The following C2CD5 variants were observed in gnomAD, a reference collection of about 807,000 sequenced individuals.
The protein encoded by C2CD5 is C2 calcium dependent domain containing 5, also known as C2 domain-containing protein 5.
C2CD5 carries 109 observed loss-of-function variants against 130.3 expected under a neutral mutation model. The observed-to-expected ratio is 0.84, with a 90% CI of 0.72 to 0.98. C2CD5 has a LOEUF of 0.98. C2CD5 is among the 50% of genes least tolerant of loss of function. The pLI is 0.00. For synonymous variants in C2CD5, 454 were observed against 429.2 expected (o/e 1.06, Z -0.71); for missense variants, 996 against 1,261.8 (o/e 0.79, Z 3.19).
intron 10 of C2CD5, 81 bp from the exon 11 acceptor site, chr12:22,493,418 T>C: frequency 2.9e-6 from 2 of 687,482 alleles, no homozygotes; most frequent in Non-Finnish European, 4.8e-6. Context: ...ATAAACATAC[T>C]ATGGGAAGTA....
intron 9 of C2CD5, among the ~76,000 whole-genome samples, chr12:22,507,386 T>A (rs540963642): frequency 2.1e-4 from 32 of 152,208 alleles, no homozygotes; most frequent in Admixed American, 6.5e-4. Context: ...GAGGTTACTC[T>A]ATCAACACCA....
chr12:22,494,248 T>C (rs910030093), intron 10 of C2CD5, among the ~76,000 whole-genome samples: 2 of 152,014 alleles, frequency 1.3e-5, no homozygotes, highest in African/African-American at 4.8e-5. Flanking sequence ...CCAATTCTCA[T>C]TTGGGAATAA....
At chr12:22,458,415 G>T in intron 24 of C2CD5, 69 bp downstream of exon 24, 2 of 680,064 alleles carry the variant, frequency 2.9e-6, no homozygotes, top group Non-Finnish European at 4.2e-6. Flanking sequence ...GTAAGGTCTA[G>T]CTTTCACCAC....
chr12:22,526,879 C>T (rs777551342), intron 4 of C2CD5, among the ~76,000 whole-genome samples: 3 of 152,156 alleles, frequency 2.0e-5, no homozygotes, highest in Non-Finnish European at 4.4e-5. Context: ...AATTTACCTA[C>T]TAAAATATTA....
intron 7 of C2CD5, chr12:22,519,046 G>C: frequency 7.1e-7 from 1 of 1,401,252 alleles, no homozygotes; most frequent in Non-Finnish European, 9.6e-7. Flanking sequence ...CTACCTGCCT[G>C]CCTGCCTCTG....
At chr12:22,452,556 T>C (rs892845583) in intron 26 of C2CD5, among the ~76,000 whole-genome samples, 1 of 152,166 alleles carries the variant, frequency 6.6e-6, no homozygotes, top group East Asian at 1.9e-4. Flanking sequence ...GGATGTTTCA[T>C]AGCTTCCCTT....
intron 2 of C2CD5, among the ~76,000 whole-genome samples, chr12:22,539,216 T>C (rs964930204): frequency 6.6e-6 from 1 of 152,138 alleles, no homozygotes; most frequent in Admixed American, 6.5e-5. Context: ...ACAACCCCCA[T>C]GTTGTCCAAT....
chr12:22,498,526 C>T (rs1467065204), intron 10 of C2CD5, among the ~76,000 whole-genome samples: 1 of 152,120 alleles, frequency 6.6e-6, no homozygotes, highest in East Asian at 1.9e-4. Flanking sequence ...TTTTATAGGA[C>T]ATAACTACTC....
intron 7 of C2CD5, among the ~76,000 whole-genome samples, chr12:22,519,975 T>G (rs942180059): frequency 1.3e-5 from 2 of 152,110 alleles, no homozygotes; most frequent in South Asian, 2.1e-4. Context: ...AATCAAAATT[T>G]TATAAGATAT....
At position 22,449,615 on chromosome 12, in the gene C2CD5, C is replaced by G; in HGVS notation, c.*145G>C. On this transcript the variant is annotated 3_prime_UTR_variant, in exon 27 of 27. Transcript: ENST00000446597. ...TGTCAAGATTAGAAAATTCTCATGC[C>G]TCCAAAAGACTCCAGGCAAATCAAA... 1.4e-6 allele frequency: 1 copy of G among 704,568 alleles called. No individual in the cohort carries two copies. Among genetic ancestry groups the G allele is most frequent in the East Asian group, 2.7e-5 (1 of 36,888 alleles). 43.6% of individuals were successfully genotyped at this position (704,568 alleles called of 1,614,324 possible). A position where few individuals can be genotyped will look rare whatever the true frequency, so the allele number is the denominator to read the frequency against.
intron 10 of C2CD5, among the ~76,000 whole-genome samples, chr12:22,504,553 T>A (rs967177230): frequency 2.0e-5 from 3 of 152,184 alleles, no homozygotes; most frequent in African/African-American, 7.2e-5. Flanking sequence ...TCCACCCGCC[T>A]CAAACTGGCT....
intron 7 of C2CD5, among the ~76,000 whole-genome samples, chr12:22,521,145 A>C (rs545908638): frequency 3.9e-5 from 6 of 152,164 alleles, no homozygotes; most frequent in Admixed American, 6.5e-5. Context: ...AAATACCAGA[A>C]TAGTTATAAT....
chr12:22,525,969 G>A lies in C2CD5; in HGVS notation c.350-264C>T, dbSNP rs1170499579. 2.0e-5 allele frequency among the ~76,000 whole-genome samples: 3 copies of A among 152,118 alleles called. No individual in the cohort carries two copies. The East Asian group carries it at 5.8e-4, about 29-fold the overall frequency. On this transcript the variant is annotated intron_variant, in intron 4 of 26. Transcript: ENST00000446597. ...CAACTGTAGGCTAATATAAGTGTTCGGTGCACATTTGAGATAGGCTAGGCT... is the reference window on the plus strand; with the variant it reads ...CAACTGTAGGCTAATATAAGTGTTCAGTGCACATTTGAGATAGGCTAGGCT...
chr12:22,522,323 T>C (rs1232539943), intron 7 of C2CD5, among the ~76,000 whole-genome samples: 1 of 152,104 alleles, frequency 6.6e-6, no homozygotes. Flanking sequence ...GCGTTTTTAG[T>C]CCCCAACAGG....
rs1472237626 is a variant in C2CD5, at chr12:22,527,330, A to ATAT, written c.349+390_349+391insATA. On this transcript the variant is annotated intron_variant, in intron 4 of 26. Transcript: ENST00000446597. ...ATATATTATATACATATATATATATATTTTTTTTTTTTTTTTTTGAGCTAG... is the reference window on the plus strand; with the variant it reads ...ATATATTATATACATATATATATATATATTTTTTTTTTTTTTTTTTTGAGCTAG... 2.9e-3 allele frequency among the ~76,000 whole-genome samples: 395 copies of ATAT among 138,150 alleles called. 5 individuals carry two copies. The highest frequency in any genetic ancestry group is 0.011 in the African/African-American group (375 of 35,644). 90.6% of individuals were successfully genotyped at this position (138,150 alleles called of 152,430 possible). A position where few individuals can be genotyped will look rare whatever the true frequency, so the allele number is the denominator to read the frequency against.
chr12:22,469,319 T>C (rs1412654975), intron 22 of C2CD5, among the ~76,000 whole-genome samples: 2 of 152,066 alleles, frequency 1.3e-5, no homozygotes, highest in African/African-American at 4.8e-5. Context: ...AAAAAAAGCA[T>C]TCTGTTGTGC....
chr12:22,527,674 A>C, intron 4 of C2CD5, 47 bp downstream of exon 4: 1 of 1,114,316 alleles, frequency 9.0e-7, no homozygotes, highest in South Asian at 1.7e-5. Context: ...AGGACAAATA[A>C]AAAAGATTAA....
intron 4 of C2CD5, among the ~76,000 whole-genome samples, chr12:22,527,317 C>CATATATATAT (rs996090197): frequency 1.5e-5 from 2 of 131,714 alleles, no homozygotes; most frequent in African/African-American, 6.0e-5. Flanking sequence ...ATATTATATA[C>CATATATATAT]ATATATATAT....
chr12:22,469,615 C>G, intron 22 of C2CD5, 94 bp downstream of exon 22: 1 of 620,278 alleles, frequency 1.6e-6, no homozygotes, highest in Non-Finnish European at 2.7e-6. Context: ...GATAAATTTT[C>G]ACCTCAAGGT....
Sources: gnomAD v4.1 joint callset for allele counts (sites outside exome capture counted in the v4.1 genomes callset) on GRCh38, gnomAD v4.1.1 for gene constraint, MANE v1.5 for transcripts, NCBI Gene and HGNC (gene_info 2026-07-23, HGNC 2026-07-21) for gene names.